RIMS2: variants seen among roughly 807,000 people sequenced by gnomAD.
RIMS2 encodes the protein regulating synaptic membrane exocytosis protein 2.
In RIMS2, 59 loss-of-function variants were observed where a neutral mutation model predicts 174.4. The observed-to-expected ratio is 0.34, with a 90% CI of 0.27 to 0.42. RIMS2 has a LOEUF of 0.42. Ranked by LOEUF, RIMS2 falls within the 10% of genes least tolerant of loss-of-function variation. The pLI is 1.00. For missense variants in RIMS2, 1,620 were observed against 1,666.3 expected (o/e 0.97, Z 0.48); for synonymous variants, 606 against 572.5 (o/e 1.06, Z -0.84).
At chr8:103,960,672 G>A (rs746660276) in intron 14 of RIMS2, among the ~76,000 whole-genome samples, 1 of 152,042 alleles carries the variant, frequency 6.6e-6, no homozygotes, top group Non-Finnish European at 1.5e-5. Context: ...ATTGTGTTTT[G>A]AAATTTATCT....
chr8:103,724,527 G>C (rs1192624033), intron 2 of RIMS2, among the ~76,000 whole-genome samples: 1 of 151,880 alleles, frequency 6.6e-6, no homozygotes, highest in Non-Finnish European at 1.5e-5. Flanking sequence ...ATTGGATTTT[G>C]TTACATATAG....
At chr8:103,640,270 T>C (rs567160057) in intron 1 of RIMS2, among the ~76,000 whole-genome samples, 3 of 152,094 alleles carry the variant, frequency 2.0e-5, no homozygotes, top group African/African-American at 7.2e-5. Context: ...ATTTGTGTCT[T>C]TTCTTTTTTC....
chr8:104,053,816 G>T (rs1170259490), intron 19 of RIMS2, among the ~76,000 whole-genome samples: 1 of 152,104 alleles, frequency 6.6e-6, no homozygotes, highest in Non-Finnish European at 1.5e-5. Flanking sequence ...TGGCCTTACA[G>T]TGACAAAGAG....
intron 14 of RIMS2, among the ~76,000 whole-genome samples, chr8:103,948,705 C>T (rs542862089): frequency 1.3e-5 from 2 of 152,182 alleles, no homozygotes; most frequent in Admixed American, 6.5e-5. Flanking sequence ...TGTGAACAAT[C>T]TTTTGGGGGT....
chr8:103,614,797 G>T (rs148760028), intron 1 of RIMS2, among the ~76,000 whole-genome samples: 1 of 152,170 alleles, frequency 6.6e-6, no homozygotes, highest in South Asian at 2.1e-4. Context: ...TGCAGAAGTC[G>T]CATGAAATTA....
At chr8:103,916,668 C>T (rs1283805117) in intron 8 of RIMS2, 131 bp downstream of exon 11, 8 of 684,770 alleles carry the variant, frequency 1.2e-5, no homozygotes, top group Non-Finnish European at 1.8e-5. Context: ...TTTTCTCTTT[C>T]CTTAACAAAA....
chr8:103,906,534 C>A (rs72681368), intron 4 of RIMS2, among the ~76,000 whole-genome samples: 20,215 of 152,240 alleles, frequency 0.13, 1,819 homozygotes, highest in Non-Finnish European at 0.2. Context: ...GCGTGAGCCA[C>A]TGCACCCAGC....
intron 1 of RIMS2, among the ~76,000 whole-genome samples, chr8:103,565,968 A>G (rs2092303156): frequency 6.6e-6 from 1 of 152,202 alleles, no homozygotes; most frequent in African/African-American, 2.4e-5. Context: ...AAACCAAAAA[A>G]TGTTTTTCAA....
rs200377845 is a variant in RIMS2 at position 103,968,201 on chromosome 8, AT to A, written c.2770+7075del. Among the ~76,000 whole-genome samples, 911 of 151,918 alleles carry A rather than the reference AT, an allele frequency of 6.0e-3. 8 individuals are homozygous for A. The highest frequency in any genetic ancestry group is 0.021 in the African/African-American group (859 of 41,414). ...CTTTTGATTAGTGTTACCATAGTAC[AT>A]TTTTTTCCATCCATTTAATTTATAT... On this transcript the variant is annotated intron_variant, in intron 15 of 23. Coordinates refer to ENST00000504942, the Ensembl canonical transcript of RIMS2.
chr8:103,875,039 G>T (rs2099129320), intron 3 of RIMS2, among the ~76,000 whole-genome samples: 1 of 151,932 alleles, frequency 6.6e-6, no homozygotes, highest in African/African-American at 2.4e-5. Context: ...AGGAGTGTTG[G>T]GAAAGAAGCT....
At chr8:103,791,432 A>T (rs201530394) in intron 3 of RIMS2, among the ~76,000 whole-genome samples, 3 of 152,112 alleles carry the variant, frequency 2.0e-5, no homozygotes, top group Non-Finnish European at 4.4e-5. Context: ...ACTAAACATG[A>T]AAAGGAACAA....
At chr8:103,732,377 T>A (rs954586569) in intron 2 of RIMS2, among the ~76,000 whole-genome samples, 1 of 152,230 alleles carries the variant, frequency 6.6e-6, no homozygotes. Context: ...CCACTGTGAC[T>A]GTGCTACGTC....
intron 19 of RIMS2, among the ~76,000 whole-genome samples, chr8:104,208,331 G>C (rs570399301): frequency 6.6e-6 from 1 of 151,922 alleles, no homozygotes; most frequent in Non-Finnish European, 1.5e-5. Flanking sequence ...ATTTTGGGAG[G>C]CCGAGGGGGG....
chr8:103,780,776 C>T (rs753346191), intron 3 of RIMS2, among the ~76,000 whole-genome samples: 1 of 151,900 alleles, frequency 6.6e-6, no homozygotes, highest in Non-Finnish European at 1.5e-5. Context: ...ATAATGGTTT[C>T]CTGTTTGCTA....
intron 19 of RIMS2, among the ~76,000 whole-genome samples, chr8:104,106,488 A>G (rs2098069458): frequency 6.6e-6 from 1 of 152,134 alleles, no homozygotes; most frequent in Non-Finnish European, 1.5e-5. Context: ...CATTACTACT[A>G]TTGATTAATT....
intron 1 of RIMS2, among the ~76,000 whole-genome samples, chr8:103,689,959 C>CTTTTTTTTTT (rs35912055): frequency 7.3e-6 from 1 of 137,568 alleles, no homozygotes; most frequent in Non-Finnish European, 1.5e-5. Flanking sequence ...CTCCATGTGT[C>CTTTTTTTTTT]TTTTTTTTTT....
At chr8:103,829,699 CT>C (rs1437166077) in intron 3 of RIMS2, among the ~76,000 whole-genome samples, 1 of 152,078 alleles carries the variant, frequency 6.6e-6, no homozygotes, top group East Asian at 1.9e-4. Context: ...ACACTGGGGC[CT>C]ACTTGAGGAT....
At chr8:103,975,263 C>T in intron 15 of RIMS2, 87 bp from the exon 18 acceptor site, 34 of 747,532 alleles carry the variant, frequency 4.5e-5, no homozygotes, top group South Asian at 2.3e-4. Context: ...TAAATTTCAC[C>T]AACATTTTGT....
intron 1 of RIMS2, among the ~76,000 whole-genome samples, chr8:103,533,977 C>T (rs1838636507): frequency 1.3e-5 from 2 of 152,170 alleles, no homozygotes; most frequent in South Asian, 4.1e-4. Flanking sequence ...GTGTGATGGT[C>T]TAGCAGTCAT....
Sources: allele counts gnomAD v4.1 joint callset (sites outside exome capture counted in the v4.1 genomes callset), GRCh38; gene constraint gnomAD v4.1.1; transcripts MANE v1.5; gene names NCBI Gene and HGNC (gene_info 2026-07-23, HGNC 2026-07-21).